PCDH9: variants seen among roughly 807,000 people sequenced by gnomAD.
PCDH9 encodes the protein protocadherin-9.
A neutral mutation model predicts 70.6 loss-of-function variants in PCDH9; 24 were observed. That is an observed-to-expected ratio of 0.34 (90% CI 0.25 to 0.48). The LOEUF (loss-of-function observed/expected upper bound fraction) is 0.48, where lower values mean the gene tolerates loss of function less well. PCDH9 is among the 20% of genes least tolerant of loss of function. The probability of loss-of-function intolerance (pLI) is 0.99; values close to 1 mark genes in which losing one functional copy is unlikely to be tolerated. For missense variants in PCDH9, 1,281 were observed against 1,503.6 expected, an observed-to-expected ratio of 0.85 and a Z score of 2.45; for synonymous variants, 562 against 558.5, an observed-to-expected ratio of 1.01 and a Z score of -0.09.
chr13:66,776,289 C>A (rs989607236), intron 3 of PCDH9, among the ~76,000 whole-genome samples: 2 of 150,268 alleles, frequency 1.3e-5, no homozygotes, highest in African/African-American at 4.9e-5. Flanking sequence ...GGCAATCAGG[C>A]AGGAGAAGGA....
At chr13:66,533,236 C>T (rs775849607) in intron 4 of PCDH9, among the ~76,000 whole-genome samples, 28 of 152,046 alleles carry the variant, frequency 1.8e-4, no homozygotes, top group Non-Finnish European at 3.2e-4. Flanking sequence ...TTTATGGAAG[C>T]TTTAAATAAA....
At chr13:66,864,227 A>T (rs2081532915) in intron 3 of PCDH9, among the ~76,000 whole-genome samples, 1 of 152,144 alleles carries the variant, frequency 6.6e-6, no homozygotes, top group Non-Finnish European at 1.5e-5. Context: ...TCATAGGATT[A>T]TGAGAAGTCA....
At chr13:66,307,436 A>G (rs528459351) in intron 4 of PCDH9, among the ~76,000 whole-genome samples, 2 of 152,212 alleles carry the variant, frequency 1.3e-5, no homozygotes, top group African/African-American at 4.8e-5. Flanking sequence ...TGATTTCACA[A>G]ATCTTACACC....
intron 3 of PCDH9, among the ~76,000 whole-genome samples, chr13:66,868,826 C>T (rs986911341): frequency 2.0e-5 from 3 of 152,122 alleles, no homozygotes; most frequent in Non-Finnish European, 4.4e-5. Context: ...ACAGATATTA[C>T]ATGCTTACCA....
chr13:67,033,119 C>T (rs889176831), intron 2 of PCDH9, among the ~76,000 whole-genome samples: 6 of 152,026 alleles, frequency 3.9e-5, no homozygotes, highest in African/African-American at 1.4e-4. Context: ...GACAAGGAGG[C>T]CATAAACAGT....
intron 4 of PCDH9, among the ~76,000 whole-genome samples, chr13:66,535,923 A>C (rs925137930): frequency 2.6e-5 from 4 of 152,086 alleles, no homozygotes. Context: ...AGTTACCAGA[A>C]GTAAGAAAGT....
At chr13:67,192,988 C>A (rs971158859) in intron 2 of PCDH9, among the ~76,000 whole-genome samples, 2 of 152,112 alleles carry the variant, frequency 1.3e-5, no homozygotes, top group African/African-American at 4.8e-5. Context: ...CCTGTTGCTT[C>A]TTTTCTGTCC....
chr13:66,797,829 G>A (rs549367833), intron 3 of PCDH9, among the ~76,000 whole-genome samples: 3 of 151,984 alleles, frequency 2.0e-5, no homozygotes, highest in Admixed American at 6.6e-5. Flanking sequence ...GGTCTTTAAA[G>A]CCTTTTCCTA....
At chr13:66,828,430 C>T (rs1290154600) in intron 3 of PCDH9, among the ~76,000 whole-genome samples, 1 of 152,138 alleles carries the variant, frequency 6.6e-6, no homozygotes, top group Non-Finnish European at 1.5e-5. Context: ...GATTTACCCC[C>T]ACTTATCCAG....
At chr13:67,117,893 A>T (rs1037713788) in intron 2 of PCDH9, among the ~76,000 whole-genome samples, 1 of 152,168 alleles carries the variant, frequency 6.6e-6, no homozygotes. Context: ...CTGTCCCCCA[A>T]AAGGACGTGT....
chr13:66,463,013 C>G (rs1042957023), intron 4 of PCDH9, among the ~76,000 whole-genome samples: 13 of 151,928 alleles, frequency 8.6e-5, no homozygotes, highest in African/African-American at 2.4e-4. Context: ...ATGCCATATG[C>G]ATTGCATGAT....
intron 3 of PCDH9, among the ~76,000 whole-genome samples, chr13:66,857,839 C>A (rs975009836): frequency 1.3e-5 from 2 of 152,032 alleles, no homozygotes; most frequent in Middle Eastern, 3.2e-3. Flanking sequence ...AAGTACAGCA[C>A]CTTTTCCTCC....
intron 4 of PCDH9, among the ~76,000 whole-genome samples, chr13:66,568,894 C>T (rs35145119): frequency 0.34 from 51,883 of 150,960 alleles, 9,311 homozygotes; most frequent in African/African-American, 0.45. Flanking sequence ...TAGTTGAATA[C>T]AGGAGAAACA....
intron 4 of PCDH9, among the ~76,000 whole-genome samples, chr13:66,429,786 C>T (rs1035780116): frequency 6.6e-6 from 1 of 152,066 alleles, no homozygotes; most frequent in Non-Finnish European, 1.5e-5. Context: ...GAATCACTAA[C>T]AGACAAGGGC....
chr13:66,469,142 A>G (rs1814190619), intron 4 of PCDH9, among the ~76,000 whole-genome samples: 1 of 152,130 alleles, frequency 6.6e-6, no homozygotes, highest in Admixed American at 6.6e-5. Flanking sequence ...AACTGTATCC[A>G]TTGTATTTAA....
chr13:66,505,533 G>C lies in PCDH9; in HGVS notation c.3340+125677C>G, dbSNP rs139216825. On this transcript the variant is annotated intron_variant, in intron 4 of 4. Transcript: ENST00000377865. ...TGGGACACAGAGCCAAACCATATCA[G>C]AGATTTAATTGGCTCACAGTTCCAT... 3.5e-3 allele frequency among the ~76,000 whole-genome samples: 525 copies of C among 150,768 alleles called. 3 individuals carry two copies. Among genetic ancestry groups the C allele is most frequent in the Middle Eastern group, 0.011 (3 of 274 alleles).
chr13:67,028,542 C>T (rs886169348), intron 2 of PCDH9, among the ~76,000 whole-genome samples: 2 of 150,902 alleles, frequency 1.3e-5, no homozygotes, highest in African/African-American at 4.9e-5. Flanking sequence ...ACATTGTGCA[C>T]ATGTACCCTA....
At chr13:66,596,033 T>C (rs1413519437) in intron 4 of PCDH9, among the ~76,000 whole-genome samples, 1 of 151,652 alleles carries the variant, frequency 6.6e-6, no homozygotes, top group East Asian at 1.9e-4. Flanking sequence ...TTTTAATCAA[T>C]AAGATCATTT....
intron 4 of PCDH9, among the ~76,000 whole-genome samples, chr13:66,309,754 T>C (rs1023120810): frequency 6.6e-6 from 1 of 151,874 alleles, no homozygotes; most frequent in Admixed American, 6.6e-5. Flanking sequence ...ATTCATCATA[T>C]GTATCATTGT....
Sources: allele counts gnomAD v4.1 joint callset (sites outside exome capture counted in the v4.1 genomes callset), GRCh38; gene constraint gnomAD v4.1.1; transcripts MANE v1.5; gene names NCBI Gene and HGNC (gene_info 2026-07-23, HGNC 2026-07-21).